Variants in HIP1 observed in about 807,000 individuals in gnomAD.
HIP1 encodes huntingtin-interacting protein 1.
A neutral mutation model predicts 147.6 loss-of-function variants in HIP1; 65 were observed. The ratio of observed to expected loss-of-function variants is 0.44; its 90% CI spans 0.36 to 0.54. HIP1 has a LOEUF of 0.54. Among genes scored for constraint, HIP1 ranks in the 20% least tolerant of loss-of-function variants. The pLI is 0.00. For synonymous variants in HIP1, 479 were observed against 504.0 expected (o/e 0.95, Z 0.67); for missense variants, 1,061 against 1,299.6 (o/e 0.82, Z 2.82).
chr7:75,618,945 C>G (rs1253063624), intron 1 of HIP1, among the ~76,000 whole-genome samples: 1 of 152,094 alleles, frequency 6.6e-6, no homozygotes, highest in South Asian at 2.1e-4. Context: ...AGCCTCCCAC[C>G]TTGGCCTCCC....
At chr7:75,542,057 T>C in intron 28 of HIP1, 77 bp from the exon 29 acceptor site, 1 of 1,186,132 alleles carries the variant, frequency 8.4e-7, no homozygotes, top group South Asian at 1.2e-5. Flanking sequence ...CCAATGCCAA[T>C]GCTCTGTGGA....
chr7:75,719,912 A>T (rs1409718317), intron 1 of HIP1, among the ~76,000 whole-genome samples: 3 of 152,092 alleles, frequency 2.0e-5, no homozygotes, highest in African/African-American at 7.2e-5. Flanking sequence ...TCAGGTTTGG[A>T]CTATTACTTG....
At chr7:75,728,855 A>G (rs969083106) in intron 1 of HIP1, among the ~76,000 whole-genome samples, 18 of 149,346 alleles carry the variant, frequency 1.2e-4, no homozygotes, top group Non-Finnish European at 2.5e-4. Flanking sequence ...ATGGTGCCAT[A>G]TCAGGCAGGG....
At chr7:75,590,499 GA>G (rs1554500534) in intron 4 of HIP1, among the ~76,000 whole-genome samples, 1 of 151,964 alleles carries the variant, frequency 6.6e-6, no homozygotes, top group Admixed American at 6.6e-5. Flanking sequence ...GAACAGATGG[GA>G]CAAATAGAAA....
chr7:75,602,908 A>G (rs1277845268), intron 1 of HIP1, among the ~76,000 whole-genome samples: 3 of 151,342 alleles, frequency 2.0e-5, no homozygotes, highest in African/African-American at 7.3e-5. Context: ...ATATTATGGA[A>G]TGTAATATGA....
rs1347128951 is a variant in HIP1, at chr7:75,554,617, A to C, written c.1964-91T>G. 38 of 881,432 alleles carry C rather than the reference A, an allele frequency of 4.3e-5. No individual in the cohort carries two copies. In the Admixed American group the frequency reaches 7.0e-4, roughly 16 times the overall value. The allele number at this position is 881,432 out of a possible 1,614,324, so 54.6% of individuals were successfully genotyped here. A position where few individuals can be genotyped will look rare whatever the true frequency, so the allele number is the denominator to read the frequency against. On this transcript the variant is annotated intron_variant, in intron 19 of 30. Transcript: ENST00000336926. The stretch of plus-strand genomic sequence containing the variant: ...AAGCACTGAATGGAGGAGCTTACCT[A>C]GTGGGTAAGCTTCCTGCCTAGACGT...
intron 1 of HIP1, among the ~76,000 whole-genome samples, chr7:75,622,855 A>G (rs1797892890): frequency 1.2e-5 from 1 of 84,866 alleles, no homozygotes; most frequent in Middle Eastern, 5.2e-3. Flanking sequence ...ATAATTATCT[A>G]TCTATCTATC....
intron 1 of HIP1, among the ~76,000 whole-genome samples, chr7:75,704,423 T>TTA (rs1400325237): frequency 6.6e-6 from 1 of 151,960 alleles, no homozygotes; most frequent in Non-Finnish European, 1.5e-5. Context: ...TTTGTATTCT[T>TTA]AGTAGAGATA....
intron 1 of HIP1, among the ~76,000 whole-genome samples, chr7:75,712,780 A>C (rs1801197875): frequency 6.6e-6 from 1 of 151,786 alleles, no homozygotes; most frequent in Admixed American, 6.6e-5. Context: ...TCATTTACTC[A>C]TTCATTCACT....
In HIP1 at chr7:75,535,561, T is replaced by C. The variant is rs1478253381; in HGVS notation, c.*2611A>G. Reference sequence around the variant, plus strand: ...TTTTAGTAGAGATGAGGTCTTGCTATGATGCCCAGCCTGGTCTCAAACTCC... The same window carrying C: ...TTTTAGTAGAGATGAGGTCTTGCTACGATGCCCAGCCTGGTCTCAAACTCC... On this transcript the variant is annotated 3_prime_UTR_variant, in exon 31 of 31. Transcript: ENST00000336926. The C allele has an allele frequency of 1.7e-5, 3 of 180,690 alleles. No homozygotes were observed. Among genetic ancestry groups the C allele is most frequent in the Non-Finnish European group, 3.5e-5 (3 of 84,542 alleles). 11.2% of individuals were successfully genotyped at this position (180,690 alleles called of 1,614,324 possible). A position where few individuals can be genotyped will look rare whatever the true frequency, so the allele number is the denominator to read the frequency against.
At chr7:75,601,759 C>T (rs1796985178) in intron 1 of HIP1, among the ~76,000 whole-genome samples, 2 of 152,062 alleles carry the variant, frequency 1.3e-5, no homozygotes, top group South Asian at 4.1e-4. Context: ...CGATGGAGAC[C>T]ATGCGGCCTG....
Position 75,732,806 on chromosome 7 carries a change from T to C in HIP1, c.120+5995A>G, listed in dbSNP as rs199835703. On this transcript the variant is annotated intron_variant, in intron 1 of 30. Transcript: ENST00000336926. The stretch of plus-strand genomic sequence containing the variant: ...TCAGCGTACACAGAGTACCCAGGGC[T>C]GTGGTGAACACGACAAGTCCTGATT... 2.0e-4 allele frequency among the ~76,000 whole-genome samples: 30 copies of C among 152,266 alleles called. No individual in the cohort carries two copies. The East Asian group carries it at 5.4e-3, about 27-fold the overall frequency.
intron 16 of HIP1, 137 bp from the exon 17 acceptor site, chr7:75,556,948 G>T: frequency 3.6e-6 from 2 of 560,616 alleles, no homozygotes; most frequent in Non-Finnish European, 6.4e-6. Context: ...CCAAAAAAGT[G>T]CAGGGTGTGG....
At chr7:75,545,376 G>A (rs1227383784) in intron 25 of HIP1, among the ~76,000 whole-genome samples, 188 bp from the exon 26 acceptor site, 6 of 152,038 alleles carry the variant, frequency 3.9e-5, no homozygotes, top group Non-Finnish European at 7.4e-5. Flanking sequence ...GTGCAGTGGC[G>A]CTCGCCTGTA....
chr7:75,704,753 T>C (rs1800939827), intron 1 of HIP1, among the ~76,000 whole-genome samples: 1 of 148,624 alleles, frequency 6.7e-6, no homozygotes, highest in South Asian at 2.1e-4. Flanking sequence ...TTTGTATTTC[T>C]GTAGAGATGG....
At chr7:75,543,082 A>G (rs999431676) in intron 27 of HIP1, 108 bp from the exon 28 acceptor site, 5 of 1,146,944 alleles carry the variant, frequency 4.4e-6, no homozygotes, top group Non-Finnish European at 4.9e-6. Context: ...CCAAACGGCA[A>G]TCACCAATCA....
At chr7:75,669,424 G>A (rs973160206) in intron 1 of HIP1, among the ~76,000 whole-genome samples, 9 of 151,802 alleles carry the variant, frequency 5.9e-5, no homozygotes, top group Non-Finnish European at 1.2e-4. Flanking sequence ...TTAGCTGGGT[G>A]TGGTGGTGCG....
At chr7:75,570,383 C>T (rs1482604787) in intron 8 of HIP1, among the ~76,000 whole-genome samples, 1 of 151,532 alleles carries the variant, frequency 6.6e-6, no homozygotes, top group Non-Finnish European at 1.5e-5. Flanking sequence ...GCTCCACCTC[C>T]AGGGCTCACA....
intron 1 of HIP1, among the ~76,000 whole-genome samples, chr7:75,658,918 A>AAAAC (rs1204626499): frequency 4.6e-5 from 7 of 152,094 alleles, no homozygotes; most frequent in African/African-American, 1.7e-4. Flanking sequence ...CATACACACA[A>AAAAC]AAACAAACAA....
Sources: gnomAD v4.1 joint callset for allele counts (sites outside exome capture counted in the v4.1 genomes callset) on GRCh38, gnomAD v4.1.1 for gene constraint, MANE v1.5 for transcripts, NCBI Gene and HGNC (gene_info 2026-07-23, HGNC 2026-07-21) for gene names.